The following MGLL variants were observed in gnomAD, a reference collection of about 807,000 sequenced individuals.
MGLL encodes lysophospholipase homolog.
MGLL carries 7 observed loss-of-function variants against 29.1 expected under a neutral mutation model. The ratio of observed to expected loss-of-function variants is 0.24; its 90% CI spans 0.14 to 0.45. The LOEUF (loss-of-function observed/expected upper bound fraction) is 0.45. Among genes scored for constraint, MGLL ranks in the 20% least tolerant of loss-of-function variants. The pLI is 0.99. For synonymous variants in MGLL, 148 were observed against 168.3 expected, an observed-to-expected ratio of 0.88 and a Z score of 0.93; for missense variants, 356 against 413.6, an observed-to-expected ratio of 0.86 and a Z score of 1.21.
chr3:127,763,542 C>T (rs960427354), intron 3 of MGLL, among the ~76,000 whole-genome samples: 2 of 152,212 alleles, frequency 1.3e-5, no homozygotes, highest in African/African-American at 2.4e-5. Flanking sequence ...ACAGCAGCCA[C>T]GGCCATCTGG....
Position 127,781,875 on chromosome 3 carries a change from T to C in MGLL, c.176A>G (p.His59Arg). ...GTPKALIFVS[H>R]GAGEHSGRYE... ...GCGGCCACTGTGCTCTCCGGCTCCATGGGACACAAAGATGAGGGCCCTGCA... is the reference window on the plus strand; with the variant it reads ...GCGGCCACTGTGCTCTCCGGCTCCACGGGACACAAAGATGAGGGCCCTGCA... Residue 59 changes from histidine (H) to arginine (R), a missense_variant, in exon 3 of 8, where the codon CAT becomes CGT. Transcript: ENST00000265052. 2 of 1,614,012 alleles carry C rather than the reference T, an allele frequency of 1.2e-6. No individual in the cohort carries two copies. Among genetic ancestry groups the C allele is most frequent in the Non-Finnish European group, 1.7e-6 (2 of 1,180,000 alleles).
At chr3:127,747,138 G>A (rs13064150) in intron 3 of MGLL, among the ~76,000 whole-genome samples, 1 of 152,072 alleles carries the variant, frequency 6.6e-6, no homozygotes, top group Non-Finnish European at 1.5e-5. Context: ...CCCCTCTTCA[G>A]TACCTGCTCT....
chr3:127,692,011 G>A lies in MGLL; in HGVS notation c.*187C>T. 1 of 721,910 alleles carries A rather than the reference G, an allele frequency of 1.4e-6. No homozygotes were observed. The highest frequency in any genetic ancestry group is 2.2e-6 in the Non-Finnish European group (1 of 449,748). 44.7% of individuals were successfully genotyped at this position (721,910 alleles called of 1,614,324 possible). A position where few individuals can be genotyped will look rare whatever the true frequency, so the allele number is the denominator to read the frequency against. On this transcript the variant is annotated 3_prime_UTR_variant, in exon 8 of 8. Transcript: ENST00000265052. ...CATAAAGTGTCTAACCATTAAGGTA[G>A]GTCCAGTGTCTGATAGTCTAATGTA...
intron 3 of MGLL, among the ~76,000 whole-genome samples, chr3:127,751,544 C>T (rs987866869): frequency 5.3e-5 from 8 of 151,938 alleles, no homozygotes; most frequent in Non-Finnish European, 1.0e-4. Context: ...TGCCATGCGA[C>T]CTGCAGCTGA....
intron 5 of MGLL, among the ~76,000 whole-genome samples, chr3:127,716,646 G>A (rs1247188532): frequency 1.3e-5 from 2 of 152,236 alleles, no homozygotes; most frequent in Non-Finnish European, 1.5e-5. Flanking sequence ...GATCCAGAAG[G>A]TTTTAATGGC....
intron 3 of MGLL, among the ~76,000 whole-genome samples, chr3:127,769,068 C>T (rs960533959): frequency 2.6e-5 from 4 of 152,154 alleles, no homozygotes; most frequent in South Asian, 2.1e-4. Flanking sequence ...GTTGGATTGT[C>T]AGGCCAGGAG....
intron 3 of MGLL, among the ~76,000 whole-genome samples, chr3:127,724,919 T>C (rs115442737): frequency 0.017 from 2,540 of 152,258 alleles, 76 homozygotes; most frequent in African/African-American, 0.057. Context: ...CCCTCTACGT[T>C]GGAAGCATCC....
At chr3:127,746,672 C>T (rs564259133) in intron 3 of MGLL, among the ~76,000 whole-genome samples, 2 of 152,242 alleles carry the variant, frequency 1.3e-5, no homozygotes. Context: ...TCCACTCTTC[C>T]GTCTCCCTCT....
chr3:127,813,507 G>T (rs1031311991), intron 2 of MGLL, among the ~76,000 whole-genome samples: 1 of 152,192 alleles, frequency 6.6e-6, no homozygotes, highest in African/African-American at 2.4e-5. Flanking sequence ...GCTCCAAACC[G>T]GACATTTGCT....
chr3:127,694,509 C>G (rs113331299), intron 7 of MGLL, among the ~76,000 whole-genome samples: 6 of 152,140 alleles, frequency 3.9e-5, no homozygotes, highest in African/African-American at 1.4e-4. Context: ...AGAGCTAGCT[C>G]TGGCAGCTCC....
chr3:127,720,179 A>T (rs1056208966), intron 5 of MGLL, among the ~76,000 whole-genome samples: 30 of 152,214 alleles, frequency 2.0e-4, no homozygotes, highest in African/African-American at 7.2e-4. Flanking sequence ...TGCCCAGTGC[A>T]CCTGGCCCCA....
At chr3:127,769,307 T>C (rs1313108497) in intron 3 of MGLL, among the ~76,000 whole-genome samples, 1 of 151,110 alleles carries the variant, frequency 6.6e-6, no homozygotes, top group Non-Finnish European at 1.5e-5. Context: ...GCTGAGATCA[T>C]GCCATTGCAC....
Position 127,821,706 on chromosome 3 carries a change from G to T in MGLL, c.143C>A (p.Thr48Lys). The T allele has an allele frequency of 1.2e-6, 2 of 1,614,148 alleles. No individual in the cohort carries two copies. Among genetic ancestry groups the T allele is most frequent in the African/African-American group, 1.3e-5 (1 of 75,038 alleles). Residue 48 changes from threonine (T) to lysine (K), a missense_variant, in exon 2 of 8, where the codon ACA (threonine) becomes AAA (lysine). Physicochemically the swap from Thr to Lys is moderately conservative, Grantham distance 78 (BLOSUM62 -1). Coordinates refer to ENST00000265052, the MANE Select transcript of MGLL (RefSeq NM_007283.7). ...GGGGAAGACTTACTTGGGTGTGCCTGTGGGTTTCCAGTACCTGCAGAAGAG... is the reference window on the plus strand; with the variant it reads ...GGGGAAGACTTACTTGGGTGTGCCTTTGGGTTTCCAGTACCTGCAGAAGAG... ...QYLFCRYWKP[T>K]GTPKALIFVS...
chr3:127,777,978 T>C (rs1444238619), intron 3 of MGLL, among the ~76,000 whole-genome samples: 4 of 152,284 alleles, frequency 2.6e-5, no homozygotes, highest in African/African-American at 9.6e-5. Context: ...GAGGTTAACA[T>C]GGAGAACAAA....
At chr3:127,793,239 C>T (rs9289317) in intron 2 of MGLL, among the ~76,000 whole-genome samples, 14,712 of 152,286 alleles carry the variant, frequency 0.097, 967 homozygotes, top group South Asian at 0.16. Flanking sequence ...TCGGGTCTCA[C>T]TCTGTAACTT....
chr3:127,771,605 C>A (rs577399811), intron 3 of MGLL, among the ~76,000 whole-genome samples: 1 of 152,150 alleles, frequency 6.6e-6, no homozygotes, highest in Non-Finnish European at 1.5e-5. Context: ...GTCCTTCCCC[C>A]TCAGCCTCCC....
intron 3 of MGLL, among the ~76,000 whole-genome samples, chr3:127,735,518 T>A (rs2076227118): frequency 6.6e-6 from 1 of 152,240 alleles, no homozygotes; most frequent in African/African-American, 2.4e-5. Context: ...TATGACTCCA[T>A]TTTATAATGT....
At chr3:127,817,426 G>C (rs1008683002) in intron 2 of MGLL, among the ~76,000 whole-genome samples, 2 of 152,184 alleles carry the variant, frequency 1.3e-5, no homozygotes, top group African/African-American at 4.8e-5. Flanking sequence ...AGAGTTGAGG[G>C]GCTGCCAGGA....
chr3:127,750,625 C>T (rs1394552468), intron 3 of MGLL, among the ~76,000 whole-genome samples: 13 of 84,950 alleles, frequency 1.5e-4, no homozygotes, highest in South Asian at 3.7e-4. Flanking sequence ...CCCGGGCAAA[C>T]GCACACTGAC....
Sources: allele counts gnomAD v4.1 joint callset (sites outside exome capture counted in the v4.1 genomes callset), GRCh38; gene constraint gnomAD v4.1.1; transcripts MANE v1.5; gene names NCBI Gene and HGNC (gene_info 2026-07-23, HGNC 2026-07-21).